The following NFKB1 variants were observed in gnomAD, a reference collection of about 807,000 sequenced individuals.
The protein encoded by NFKB1 is nuclear factor NF-kappa-B p105 subunit.
In NFKB1, 9 loss-of-function variants were observed where a neutral mutation model predicts 105.1. That is an observed-to-expected ratio of 0.09 (90% CI 0.05 to 0.15). The LOEUF is 0.15. NFKB1 is among the 10% of genes least tolerant of loss of function. The probability of loss-of-function intolerance (pLI) is 1.00; values close to 1 mark genes in which losing one functional copy is unlikely to be tolerated. For missense variants in NFKB1, 830 were observed against 1,203.7 expected, an observed-to-expected ratio of 0.69 and a Z score of 4.59; for synonymous variants, 440 against 442.2, an observed-to-expected ratio of 1.00 and a Z score of 0.06.
chr4:102,612,626 A>G lies in NFKB1; in HGVS notation c.2592+20A>G. 1 of 1,605,418 alleles carries G rather than the reference A, an allele frequency of 6.2e-7. No individual in the cohort carries two copies. Among genetic ancestry groups the G allele is most frequent in the Non-Finnish European group, 8.5e-7 (1 of 1,174,466 alleles). ...TATGAGGTAACACCTTACCTTACAG[A>G]TTTAGCAATTTTCATTTGACTTTAC... On this transcript the variant is annotated intron_variant, in intron 22 of 23. Coordinates refer to ENST00000226574, the MANE Select transcript of NFKB1 (RefSeq NM_003998.4).
At chr4:102,537,510 G>A (rs1741717765) in intron 4 of NFKB1, 1 of 169,134 alleles carries the variant, frequency 5.9e-6, no homozygotes, top group Non-Finnish European at 1.3e-5. Context: ...CTTGGCAGCA[G>A]CAATTTAAGA....
chr4:102,613,422 C>A lies in NFKB1; in HGVS notation c.2593-3C>A, dbSNP rs897690674. On this transcript the variant is annotated splice_polypyrimidine_tract_variant and splice_region_variant and intron_variant, in intron 22 of 23. Transcript: ENST00000226574. Reference sequence around the variant, plus strand: ...ATGCTCCTCCTTCCTTTCTTTCTCACAGGTCTCTGGGGGTACAGTCAGAGA... The same window carrying A: ...ATGCTCCTCCTTCCTTTCTTTCTCAAAGGTCTCTGGGGGTACAGTCAGAGA... 1.2e-6 allele frequency: 2 copies of A among 1,613,050 alleles called. No homozygotes were observed. The highest frequency in any genetic ancestry group is 1.7e-6 in the Non-Finnish European group (2 of 1,179,522).
intron 1 of NFKB1, among the ~76,000 whole-genome samples, chr4:102,503,942 A>T (rs889772297): frequency 6.6e-6 from 1 of 152,208 alleles, no homozygotes; most frequent in African/African-American, 2.4e-5. Flanking sequence ...TCATTGTGGT[A>T]GATACGAGGT....
Position 102,597,475 on chromosome 4 carries a change from C to A in NFKB1, c.1496-45C>A, listed in dbSNP as rs570468098. On this transcript the variant is annotated intron_variant, in intron 14 of 23. Transcript: ENST00000226574. The stretch of plus-strand genomic sequence containing the variant: ...CCTTAAGCATGCCATACCCATAAAA[C>A]AAAAGTAGGAACACTCAACTATGAT... 2.4e-5 allele frequency: 37 copies of A among 1,561,416 alleles called. No homozygotes were observed. The Admixed American group carries it at 3.6e-4, about 15-fold the overall frequency.
chr4:102,501,723 G>A lies in NFKB1; in HGVS notation c.-73G>A, dbSNP rs539675719. On this transcript the variant is annotated 5_prime_UTR_variant, in exon 1 of 24. Coordinates refer to ENST00000226574, the MANE Select transcript of NFKB1 (RefSeq NM_003998.4). ...CCGCCTCTTCCTTCTCCAGCCGGCA[G>A]GCCCGCGCCGCTTAGGAGGGAGAGC... The A allele has an allele frequency of 3.3e-4, 51 of 152,372 alleles. No individual in the cohort carries two copies. The East Asian group carries it at 9.9e-3, about 29-fold the overall frequency. The allele number at this position is 152,372 out of a possible 1,614,324, so 9.4% of individuals were successfully genotyped here.
At chr4:102,606,769 G>A (rs1178892011) in intron 17 of NFKB1, 72 bp downstream of exon 17, 16 of 1,474,246 alleles carry the variant, frequency 1.1e-5, no homozygotes, top group Non-Finnish European at 1.3e-5. Flanking sequence ...TTTGATAAAC[G>A]TGTGTTATTT....
At chr4:102,542,593 A>G (rs532561146) in intron 5 of NFKB1, among the ~76,000 whole-genome samples, 1 of 152,216 alleles carries the variant, frequency 6.6e-6, no homozygotes, top group South Asian at 2.1e-4. Flanking sequence ...TCCTTCTCTT[A>G]GGTAAGCTGC....
intron 1 of NFKB1, among the ~76,000 whole-genome samples, chr4:102,508,551 C>T (rs1192122265): frequency 6.6e-6 from 1 of 152,042 alleles, no homozygotes; most frequent in Non-Finnish European, 1.5e-5. Context: ...GTTCATACTG[C>T]TAATTTCAAA....
intron 1 of NFKB1, among the ~76,000 whole-genome samples, chr4:102,517,516 C>A (rs1306891085): frequency 6.6e-6 from 1 of 151,978 alleles, no homozygotes; most frequent in Non-Finnish European, 1.5e-5. Flanking sequence ...TACAAAAAAG[C>A]AAAACTCCCA....
At chr4:102,543,571 C>T (rs1028104248) in intron 5 of NFKB1, among the ~76,000 whole-genome samples, 2 of 149,318 alleles carry the variant, frequency 1.3e-5, no homozygotes, top group Admixed American at 6.7e-5. Flanking sequence ...AGGTCAACAA[C>T]AGCTTTTTTG....
At chr4:102,513,123 A>G (rs1368254111) in intron 1 of NFKB1, among the ~76,000 whole-genome samples, 1 of 152,246 alleles carries the variant, frequency 6.6e-6, no homozygotes, top group Non-Finnish European at 1.5e-5. Context: ...AGAAAACTGT[A>G]GCATTAGAAA....
intron 15 of NFKB1, among the ~76,000 whole-genome samples, chr4:102,599,742 A>T (rs1726973204): frequency 6.6e-6 from 1 of 152,230 alleles, no homozygotes; most frequent in African/African-American, 2.4e-5. Context: ...TTAGCTGAAA[A>T]GTGAAGATAA....
Position 102,612,474 on chromosome 4 carries a change from G to T in NFKB1, c.2460G>T (p.Leu820=). The stretch of plus-strand genomic sequence containing the variant: ...TGGCTGAAGATGTGAAGCTGCAGCT[G>T]TATAAGTTACTAGAAATTCCTGATC... The part of the protein sequence containing the change: ...KQLAEDVKLQ[L]YKLLEIPDPD... Residue 820 remains leucine (L), a synonymous_variant, in exon 22 of 24, where the codon CTG becomes CTT. Transcript: ENST00000226574. 6 of 1,613,698 alleles carry T rather than the reference G, an allele frequency of 3.7e-6. No individual in the cohort carries two copies. Among genetic ancestry groups the T allele is most frequent in the Non-Finnish European group, 5.1e-6 (6 of 1,180,006 alleles).
intron 8 of NFKB1, among the ~76,000 whole-genome samples, chr4:102,579,636 C>CAA (rs1288717126): frequency 1.0e-3 from 107 of 106,296 alleles, no homozygotes; most frequent in African/African-American, 3.1e-3. Context: ...GACCCCATCT[C>CAA]AAAAAAAAAA....
chr4:102,569,507 A>G (rs185906513), intron 6 of NFKB1, among the ~76,000 whole-genome samples: 108 of 152,276 alleles, frequency 7.1e-4, no homozygotes, highest in Non-Finnish European at 1.3e-3. Context: ...AGAGAAACTT[A>G]GGAAGATAGC....
chr4:102,517,327 T>C (rs376988386), intron 1 of NFKB1, among the ~76,000 whole-genome samples: 6 of 152,314 alleles, frequency 3.9e-5, no homozygotes, highest in African/African-American at 1.4e-4. Flanking sequence ...TCTTTAGGTA[T>C]TTTGTATGGT....
intron 1 of NFKB1, among the ~76,000 whole-genome samples, chr4:102,509,746 T>G (rs560864490): frequency 6.6e-6 from 1 of 152,310 alleles, no homozygotes; most frequent in South Asian, 2.1e-4. Context: ...TCAGCTTTCT[T>G]CTTCAGTCAG....
intron 5 of NFKB1, 45 bp from the exon 6 acceptor site, chr4:102,566,942 T>C (rs1292485067): frequency 6.2e-7 from 1 of 1,605,428 alleles, no homozygotes; most frequent in South Asian, 1.1e-5. Flanking sequence ...TCCATGTTGC[T>C]GGAGAGTCAG....
chr4:102,555,332 A>T (rs1359707109), intron 5 of NFKB1, among the ~76,000 whole-genome samples: 1 of 152,134 alleles, frequency 6.6e-6, no homozygotes. Context: ...TAGCTCTTTT[A>T]ACAAATATTG....
Sources: gnomAD v4.1 joint callset for allele counts (sites outside exome capture counted in the v4.1 genomes callset) on GRCh38, gnomAD v4.1.1 for gene constraint, MANE v1.5 for transcripts, NCBI Gene and HGNC (gene_info 2026-07-23, HGNC 2026-07-21) for gene names.